SCFD1: variants seen among roughly 807,000 people sequenced by gnomAD.
SCFD1 encodes sec1 family domain-containing protein 1.
Under a neutral mutation model 103.2 loss-of-function variants are expected in SCFD1, and 37 were observed. The observed-to-expected ratio is 0.36, with a 90% confidence interval of 0.28 to 0.47. SCFD1 has a LOEUF of 0.47. Ranked by LOEUF, SCFD1 falls within the 20% of genes least tolerant of loss-of-function variation. The pLI, the probability that SCFD1 is intolerant of heterozygous loss-of-function variation, is 1.00. For synonymous variants in SCFD1, 264 were observed against 245.0 expected, an observed-to-expected ratio of 1.08 and a Z score of -0.73; for missense variants, 639 against 761.2, an observed-to-expected ratio of 0.84 and a Z score of 1.89.
intron 4 of SCFD1, among the ~76,000 whole-genome samples, chr14:30,635,801 T>A (rs1039735033): frequency 2.0e-5 from 3 of 152,146 alleles, no homozygotes; most frequent in Non-Finnish European, 2.9e-5. Context: ...GGTCAAATGA[T>A]AACTCTATGT....
chr14:30,678,545 T>G lies in SCFD1; in HGVS notation c.1242+3480T>G, dbSNP rs773986190. On this transcript the variant is annotated intron_variant, in intron 14 of 24. Transcript: ENST00000458591. ...AAATGCAACTTTCCCACTTGCTGGT[T>G]GTTAGAGAATGGCTTCTGGGATTAC... Among the ~76,000 whole-genome samples, 15 of 152,200 alleles carry G rather than the reference T, an allele frequency of 9.9e-5. No homozygotes were observed. The South Asian group carries it at 1.0e-3, about 10-fold the overall frequency.
intron 17 of SCFD1, 67 bp downstream of exon 17, chr14:30,702,442 A>C (rs1348661980): frequency 2.1e-6 from 2 of 944,090 alleles, no homozygotes; most frequent in Non-Finnish European, 3.2e-6. Flanking sequence ...CATTCCCAAG[A>C]AAATGGGAAT....
chr14:30,696,459 C>T (rs891313539), intron 15 of SCFD1, among the ~76,000 whole-genome samples: 21 of 152,202 alleles, frequency 1.4e-4, no homozygotes, highest in African/African-American at 4.8e-4. Flanking sequence ...CTTTCTCAAA[C>T]GATTTATCCC....
At chr14:30,673,775 AGAG>A (rs1263653051) in intron 12 of SCFD1, 146 bp from the exon 13 acceptor site, 8 of 617,796 alleles carry the variant, frequency 1.3e-5, no homozygotes, top group African/African-American at 1.8e-5. Flanking sequence ...CTTGCACCTC[AGAG>A]GAGGAGAATT....
intron 11 of SCFD1, among the ~76,000 whole-genome samples, chr14:30,671,208 TACTTACA>T (rs1023066802): frequency 2.6e-5 from 4 of 152,152 alleles, no homozygotes; most frequent in Non-Finnish European, 5.9e-5. Context: ...ATCTTTTTTT[TACTTACA>T]ACTTTTTTTT....
intron 23 of SCFD1, among the ~76,000 whole-genome samples, chr14:30,731,283 G>A (rs1893443030): frequency 6.6e-6 from 1 of 152,198 alleles, no homozygotes; most frequent in Admixed American, 6.5e-5. Context: ...GTCAGGTAGT[G>A]TGATGCCTCC....
intron 1 of SCFD1, among the ~76,000 whole-genome samples, chr14:30,624,461 G>A (rs555040153): frequency 6.6e-6 from 1 of 152,200 alleles, no homozygotes; most frequent in East Asian, 1.9e-4. Flanking sequence ...TAGTTGTTCA[G>A]GTCAAAAACC....
intron 24 of SCFD1, among the ~76,000 whole-genome samples, chr14:30,735,359 T>C (rs1055490323): frequency 6.6e-6 from 1 of 152,116 alleles, no homozygotes; most frequent in African/African-American, 2.4e-5. Context: ...CCTCAAGTGA[T>C]CCTCCCACCT....
intron 18 of SCFD1, among the ~76,000 whole-genome samples, chr14:30,707,656 A>G (rs925436543): frequency 1.3e-5 from 2 of 152,132 alleles, no homozygotes; most frequent in African/African-American, 4.8e-5. Context: ...CAGGAAGGCA[A>G]GGAATTCTCT....
chr14:30,672,496 C>A (rs1243852758), intron 11 of SCFD1, among the ~76,000 whole-genome samples: 1 of 152,138 alleles, frequency 6.6e-6, no homozygotes, highest in Non-Finnish European at 1.5e-5. Flanking sequence ...TGAGACATGA[C>A]CTTTTCTTTC....
At chr14:30,630,027 GA>G (rs1356711401) in intron 2 of SCFD1, among the ~76,000 whole-genome samples, 4 of 151,342 alleles carry the variant, frequency 2.6e-5, no homozygotes, top group Admixed American at 1.3e-4. Flanking sequence ...ATGTGAACTG[GA>G]AAAAAAATAA....
intron 19 of SCFD1, 55 bp from the exon 20 acceptor site, chr14:30,715,869 A>G: frequency 1.1e-6 from 1 of 951,692 alleles, no homozygotes; most frequent in Non-Finnish European, 1.6e-6. Context: ...GGTTGTTTTA[A>G]TAGAGAAGAA....
At chr14:30,643,934 G>T (rs1021618364) in intron 7 of SCFD1, 1 of 456,530 alleles carries the variant, frequency 2.2e-6, no homozygotes, top group Non-Finnish European at 4.4e-6. Flanking sequence ...TGTCACTGGG[G>T]TTTGGTGTAC....
chr14:30,728,887 CAG>C (rs1320014736), intron 23 of SCFD1, among the ~76,000 whole-genome samples: 1 of 149,020 alleles, frequency 6.7e-6, no homozygotes, highest in Admixed American at 6.7e-5. Flanking sequence ...TTCTGTCACC[CAG>C]GCTGGAGTGC....
chr14:30,649,761 T>C (rs8012494), intron 8 of SCFD1, among the ~76,000 whole-genome samples, 178 bp downstream of exon 8: 62,748 of 152,062 alleles, frequency 0.41, 15,435 homozygotes, highest in East Asian at 0.67. Flanking sequence ...TAATCATTTA[T>C]TTCCACACGA....
At chr14:30,700,780 A>G (rs1891030032) in intron 16 of SCFD1, among the ~76,000 whole-genome samples, 1 of 152,218 alleles carries the variant, frequency 6.6e-6, no homozygotes, top group Non-Finnish European at 1.5e-5. Flanking sequence ...TACCCGTGAA[A>G]CATCTGACTA....
At chr14:30,627,264 G>C (rs1045962059) in intron 1 of SCFD1, among the ~76,000 whole-genome samples, 3 of 152,158 alleles carry the variant, frequency 2.0e-5, no homozygotes, top group African/African-American at 7.2e-5. Flanking sequence ...TGCTTAGCTG[G>C]AATTATCAGT....
At position 30,735,724 on chromosome 14, in the gene SCFD1, C is replaced by A; in HGVS notation, c.*115C>A. On this transcript the variant is annotated 3_prime_UTR_variant, in exon 25 of 25. Coordinates refer to ENST00000458591, the MANE Select transcript of SCFD1 (RefSeq NM_016106.4). ...GTAACAGTGTCCTAACAGTGAAAATCAGAGTTATTTGTTAATTTTTAAGGA... is the reference window on the plus strand; with the variant it reads ...GTAACAGTGTCCTAACAGTGAAAATAAGAGTTATTTGTTAATTTTTAAGGA... The A allele has an allele frequency of 1.4e-6, 1 of 697,434 alleles. No individual in the cohort carries two copies. 43.2% of individuals were successfully genotyped at this position (697,434 alleles called of 1,614,324 possible). A position where few individuals can be genotyped will look rare whatever the true frequency, so the allele number is the denominator to read the frequency against.
Position 30,719,358 on chromosome 14 carries a change from A to G in SCFD1, c.1717A>G (p.Met573Val), listed in dbSNP as rs1188386461. The G allele has an allele frequency of 8.1e-6, 13 of 1,607,116 alleles. No homozygotes were observed. Among genetic ancestry groups the G allele is most frequent in the South Asian group, 1.1e-5 (1 of 89,372 alleles). Residue 573 changes from methionine (M) to valine (V), a missense_variant, in exon 21 of 25, where the codon ATG becomes GTG. Met to Val is a conservative substitution (Grantham distance 21). Transcript: ENST00000458591. The stretch of plus-strand genomic sequence containing the variant: ...TGACTATAGATATTTTGATCCCAAA[A>G]TGCTGCGGGGCAATGACAGGTAAGC... ...TDDYRYFDPK[M>V]LRGNDSSVPR...
Sources: allele counts gnomAD v4.1 joint callset (sites outside exome capture counted in the v4.1 genomes callset), GRCh38; gene constraint gnomAD v4.1.1; transcripts MANE v1.5; gene names NCBI Gene and HGNC (gene_info 2026-07-23, HGNC 2026-07-21).